Variants in SLC25A48 observed in about 807,000 individuals in gnomAD.
SLC25A48 encodes the protein CTC-321K16.1.
Under a neutral mutation model 32.2 loss-of-function variants are expected in SLC25A48, and 29 were observed. The ratio of observed to expected loss-of-function variants is 0.90; its 90% CI spans 0.67 to 1.23. The LOEUF is 1.23. Ranked by LOEUF, SLC25A48 falls within the 50% of genes most tolerant of loss-of-function variation. SLC25A48 has a pLI of 0.00. For synonymous variants in SLC25A48, 164 were observed against 172.3 expected, an observed-to-expected ratio of 0.95 and a Z score of 0.38; for missense variants, 399 against 422.7, an observed-to-expected ratio of 0.94 and a Z score of 0.49.
rs1028862641 is a variant in SLC25A48 at position 135,776,276 on chromosome 5, G to T, written c.-520-36247G>T. ...ATTGTTCCTCATATCTGGGGGGTGG[G>T]GGGCAGAGAGAATAATATTACTTCC... On this transcript the variant is annotated intron_variant, in intron 3 of 10. Coordinates refer to the SLC25A48 transcript ENST00000646290. Among the ~76,000 whole-genome samples, 1,479 of 148,888 alleles carry T rather than the reference G, an allele frequency of 9.9e-3. 50 individuals carry two copies. The highest frequency in any genetic ancestry group is 0.034 in the African/African-American group (1,391 of 40,836).
At chr5:135,855,004 A>G (rs1760187962) in intron 4 of SLC25A48, among the ~76,000 whole-genome samples, 1 of 152,190 alleles carries the variant, frequency 6.6e-6, no homozygotes, top group Non-Finnish European at 1.5e-5. Flanking sequence ...AGGGAGAGAG[A>G]TAGGGAATGG....
rs139450478 is a variant in SLC25A48, at chr5:135,721,146, A to G, written c.-521+86190A>G. ...AACCTCTGCCTCCTGGGTTCAAGCGATTCTCCTGCCTCAGCCTCCAGAGTA... is the reference window on the plus strand; with the variant it reads ...AACCTCTGCCTCCTGGGTTCAAGCGGTTCTCCTGCCTCAGCCTCCAGAGTA... On this transcript the variant is annotated intron_variant, in intron 3 of 10. Coordinates refer to the SLC25A48 transcript ENST00000646290. 4.0e-3 allele frequency among the ~76,000 whole-genome samples: 508 copies of G among 127,420 alleles called. 4 individuals carry two copies. Among genetic ancestry groups the G allele is most frequent in the Middle Eastern group, 0.022 (4 of 178 alleles). 83.6% of individuals were successfully genotyped at this position (127,420 alleles called of 152,430 possible).
intron 3 of SLC25A48, among the ~76,000 whole-genome samples, chr5:135,767,145 G>C (rs1413038743): frequency 6.6e-6 from 1 of 150,850 alleles, no homozygotes; most frequent in African/African-American, 2.4e-5. Flanking sequence ...ATATTTAGGG[G>C]GGCAGAGGGT....
At chr5:135,794,386 G>A (rs932190686) in intron 3 of SLC25A48, among the ~76,000 whole-genome samples, 3 of 151,652 alleles carry the variant, frequency 2.0e-5, no homozygotes, top group South Asian at 2.1e-4. Context: ...TAATATCCAC[G>A]AGAGGAGATG....
At chr5:135,791,919 C>T (rs1034518660) in intron 3 of SLC25A48, among the ~76,000 whole-genome samples, 8 of 151,536 alleles carry the variant, frequency 5.3e-5, no homozygotes, top group African/African-American at 1.5e-4. Flanking sequence ...TATGTAATAT[C>T]CTAAGAAGAT....
At chr5:135,770,750 C>G (rs987061060) in intron 3 of SLC25A48, among the ~76,000 whole-genome samples, 1 of 151,366 alleles carries the variant, frequency 6.6e-6, no homozygotes, top group Middle Eastern at 3.2e-3. Context: ...TGGCATTGTT[C>G]CTAATATCCA....
chr5:135,862,272 A>T (rs1406588980), intron 4 of SLC25A48, among the ~76,000 whole-genome samples: 1 of 152,210 alleles, frequency 6.6e-6, no homozygotes, highest in African/African-American at 2.4e-5. Flanking sequence ...GGGAGTGTTT[A>T]GATCTGTTTT....
At chr5:135,645,399 G>A (rs926112652) in intron 3 of SLC25A48, among the ~76,000 whole-genome samples, 1 of 152,150 alleles carries the variant, frequency 6.6e-6, no homozygotes, top group Non-Finnish European at 1.5e-5. Context: ...CTCAGCTGTG[G>A]CCTTGCTAGC....
chr5:135,692,840 A>G (rs1271792980), intron 3 of SLC25A48, among the ~76,000 whole-genome samples: 2 of 152,222 alleles, frequency 1.3e-5, no homozygotes, highest in African/African-American at 2.4e-5. Flanking sequence ...AGAGATGAAT[A>G]TCTGTTTTCC....
chr5:135,831,936 T>A (rs1470858991), upstream of SLC25A48, among the ~76,000 whole-genome samples: 1 of 152,002 alleles, frequency 6.6e-6, no homozygotes, highest in Non-Finnish European at 1.5e-5. Context: ...GAGACAGCAA[T>A]GAGGGCTGGG....
At chr5:135,789,295 G>A (rs541320429) in intron 3 of SLC25A48, among the ~76,000 whole-genome samples, 42 of 88,532 alleles carry the variant, frequency 4.7e-4, no homozygotes, top group Middle Eastern at 8.8e-3. Flanking sequence ...CATATGTTTC[G>A]TAATATCCAA....
chr5:135,707,885 G>T (rs560783024), intron 3 of SLC25A48, among the ~76,000 whole-genome samples: 1 of 152,328 alleles, frequency 6.6e-6, no homozygotes, highest in South Asian at 2.1e-4. Flanking sequence ...GCCTGGCATG[G>T]AGTAGGCTTT....
intron 3 of SLC25A48, among the ~76,000 whole-genome samples, chr5:135,694,142 G>T (rs546144242): frequency 1.3e-5 from 2 of 152,132 alleles, no homozygotes; most frequent in Non-Finnish European, 2.9e-5. Context: ...TGAATGGCTG[G>T]GCCTGCACAG....
At chr5:135,766,826 A>G (rs1756245020) in intron 3 of SLC25A48, among the ~76,000 whole-genome samples, 1 of 150,930 alleles carries the variant, frequency 6.6e-6, no homozygotes, top group Admixed American at 6.6e-5. Context: ...GAAAGTGTAC[A>G]CCATCTTGCG....
intron 3 of SLC25A48, chr5:135,671,646 C>T (rs1283089310): frequency 6.6e-6 from 1 of 152,146 alleles, no homozygotes; most frequent in South Asian, 2.1e-4. Flanking sequence ...TCTCACTTTC[C>T]CCGAGGGAGG....
intron 3 of SLC25A48, chr5:135,746,156 C>T (rs1325808238): frequency 6.3e-6 from 1 of 158,446 alleles, no homozygotes; most frequent in Non-Finnish European, 1.4e-5. Flanking sequence ...TAGCCCGTAC[C>T]CATCACTCAT....
At chr5:135,792,517 T>C (rs1271458723) in intron 3 of SLC25A48, among the ~76,000 whole-genome samples, 1 of 149,052 alleles carries the variant, frequency 6.7e-6, no homozygotes, top group Non-Finnish European at 1.5e-5. Context: ...TGGTTACATG[T>C]AATGTAACCA....
At chr5:135,719,535 C>T (rs1243025976) in intron 3 of SLC25A48, among the ~76,000 whole-genome samples, 1 of 152,128 alleles carries the variant, frequency 6.6e-6, no homozygotes, top group Non-Finnish European at 1.5e-5. Context: ...GCTCCCTACA[C>T]CAGGGAGGGA....
At chr5:135,735,420 T>C (rs1422916502) in intron 3 of SLC25A48, among the ~76,000 whole-genome samples, 1 of 152,218 alleles carries the variant, frequency 6.6e-6, no homozygotes, top group African/African-American at 2.4e-5. Context: ...AGCCTGGGCC[T>C]TCAAGGTCTA....
Sources: allele counts gnomAD v4.1 joint callset (sites outside exome capture counted in the v4.1 genomes callset), GRCh38; gene constraint gnomAD v4.1.1; transcripts MANE v1.5; gene names NCBI Gene and HGNC (gene_info 2026-07-23, HGNC 2026-07-21).